The following PZP variants were observed in gnomAD, a reference collection of about 807,000 sequenced individuals.
The protein encoded by PZP is PZP alpha-2-macroglobulin like.
Under a neutral mutation model 179.8 loss-of-function variants are expected in PZP, and 150 were observed. That is an observed-to-expected ratio of 0.83 (90% CI 0.73 to 0.96). The LOEUF is 0.96. Among genes scored for constraint, PZP ranks in the 40% least tolerant of loss-of-function variants. The probability of loss-of-function intolerance (pLI) is 0.00; values close to 1 mark genes in which losing one functional copy is unlikely to be tolerated. For synonymous variants in PZP, 624 were observed against 652.3 expected, an observed-to-expected ratio of 0.96 and a Z score of 0.66; for missense variants, 1,689 against 1,764.0, an observed-to-expected ratio of 0.96 and a Z score of 0.76.
At chr12:9,160,992 A>T (rs1941163339) in intron 23 of PZP, 41 bp downstream of exon 23, 1 of 1,435,194 alleles carries the variant, frequency 7.0e-7, no homozygotes, top group African/African-American at 1.4e-5. Context: ...GTACAGTGGC[A>T]ACTCTTTTGG....
intron 35 of PZP, 58 bp downstream of exon 35, chr12:9,149,503 G>C (rs150636378): frequency 6.8e-7 from 1 of 1,477,456 alleles, no homozygotes; most frequent in African/African-American, 1.4e-5. Context: ...AAATTGCAGG[G>C]GCCCTTGGAG....
At chr12:9,165,084 A>C (rs767217415) in intron 19 of PZP, 55 bp downstream of exon 19, 1 of 1,562,792 alleles carries the variant, frequency 6.4e-7, no homozygotes, top group Non-Finnish European at 8.8e-7. Flanking sequence ...TAGCTGACTG[A>C]TCAAAGGAAT....
chr12:9,192,035 AT>A (rs1189780776), intron 13 of PZP, among the ~76,000 whole-genome samples, 157 bp downstream of exon 13: 4 of 152,208 alleles, frequency 2.6e-5, no homozygotes, highest in Non-Finnish European at 5.9e-5. Flanking sequence ...TGACTGTTGA[AT>A]TTTAAAATGC....
chr12:9,195,634 T>G (rs1040150899), intron 10 of PZP, among the ~76,000 whole-genome samples: 4 of 146,066 alleles, frequency 2.7e-5, no homozygotes, highest in Non-Finnish European at 6.0e-5. Flanking sequence ...TTTTTTTTTT[T>G]GCAGAGGTAG....
intron 13 of PZP, among the ~76,000 whole-genome samples, chr12:9,185,512 T>C (rs1943043123): frequency 6.6e-6 from 1 of 152,172 alleles, no homozygotes; most frequent in Non-Finnish European, 1.5e-5. Context: ...GAAAACATAT[T>C]TTAGGATATC....
At chr12:9,147,977 T>C (rs1002850730), downstream of PZP, among the ~76,000 whole-genome samples, 1 of 152,156 alleles carries the variant, frequency 6.6e-6, no homozygotes, top group Non-Finnish European at 1.5e-5. Context: ...GATAATGTCA[T>C]TCTTGCCTCT....
At chr12:9,151,392 A>G (rs947029467) in intron 33 of PZP, among the ~76,000 whole-genome samples, 2 of 152,244 alleles carry the variant, frequency 1.3e-5, no homozygotes, top group East Asian at 1.9e-4. Context: ...TCATAGAAAT[A>G]TTCATATTCC....
chr12:9,192,489 G>T (rs1403036062), intron 12 of PZP, 23 bp downstream of exon 12: 5 of 1,591,682 alleles, frequency 3.1e-6, no homozygotes, highest in Non-Finnish European at 4.3e-6. Flanking sequence ...AGCTGCAATT[G>T]TATTCCATGG....
At position 9,154,735 on chromosome 12, in the gene PZP, G is replaced by A; in HGVS notation, c.3655C>T (p.Leu1219Phe). 1.9e-6 allele frequency: 3 copies of A among 1,614,148 alleles called. No individual in the cohort carries two copies. The highest frequency in any genetic ancestry group is 1.3e-5 in the African/African-American group (1 of 75,020). ...SAEVEMTSYV[L>F]LAYLTAQPAP... is the part of the protein sequence containing the mutation. ...GGCTGGGCCGTGAGATAAGCGAGGA[G>A]CACATAGGATGTCATCTCCACCTCA... The change falls in exon 29 of 36, where the codon CTC becomes TTC. Residue 1219 changes from leucine (L) to phenylalanine (F), a missense_variant. Coordinates refer to ENST00000261336, the MANE Select transcript of PZP (RefSeq NM_002864.3).
intron 15 of PZP, among the ~76,000 whole-genome samples, chr12:9,180,097 CT>C (rs1180738097): frequency 1.3e-5 from 2 of 152,096 alleles, no homozygotes; most frequent in Non-Finnish European, 2.9e-5. Flanking sequence ...CGTATTTTTA[CT>C]GTTATATTTT....
chr12:9,203,636 T>C (rs780580620), intron 2 of PZP, 132 bp downstream of exon 2: 1 of 1,074,446 alleles, frequency 9.3e-7, no homozygotes, highest in Non-Finnish European at 1.3e-6. Flanking sequence ...CCACCGCACC[T>C]GGCCCCTGAA....
intron 27 of PZP, 143 bp downstream of exon 27, chr12:9,157,624 C>T (rs1940857620): frequency 2.6e-6 from 2 of 769,016 alleles, no homozygotes; most frequent in South Asian, 1.8e-5. Context: ...TCTCTTAATG[C>T]ATCAACCAAA....
Position 9,169,517 on chromosome 12 carries a change from T to C in PZP, c.1914A>G (p.Gly638=). The change falls in exon 16 of 36, where the codon GGA becomes GGG. Residue 638 remains glycine (G), a synonymous_variant. Transcript: ENST00000261336. ...DNVDQQEEEQ[G]HCPRPFFIHN... is the part of the protein sequence containing the mutation. ...GAATGAAGAAAGGACGGGGACAGTG[T>C]CCTTGTTCTTCCTCCTGCTGGTCCA... 2 of 1,613,130 alleles carry C rather than the reference T, an allele frequency of 1.2e-6. No individual in the cohort carries two copies. Among genetic ancestry groups the C allele is most frequent in the South Asian group, 2.2e-5 (2 of 90,964 alleles).
intron 8 of PZP, 55 bp from the exon 9 acceptor site, chr12:9,196,740 T>C: frequency 2.1e-6 from 3 of 1,412,564 alleles, no homozygotes; most frequent in Non-Finnish European, 3.0e-6. Context: ...CAATAGTCAC[T>C]GAATCTACTA....
Position 9,201,353 on chromosome 12 carries a change from T to C in PZP, c.481-6A>G, listed in dbSNP as rs749356294. ...TCAAGGTATATCAGTGGAATCTATA[T>C]GATAAAAGGAAAGAAGAGATGTGAT... On this transcript the variant is annotated splice_polypyrimidine_tract_variant and splice_region_variant and intron_variant, in intron 4 of 35. Coordinates refer to ENST00000261336, the MANE Select transcript of PZP (RefSeq NM_002864.3). The C allele has an allele frequency of 2.6e-6, 4 of 1,557,908 alleles. No homozygotes were observed. The highest frequency in any genetic ancestry group is 3.5e-5 in the Admixed American group (2 of 56,696).
chr12:9,165,103 C>T, intron 19 of PZP, 36 bp downstream of exon 19: 1 of 1,594,160 alleles, frequency 6.3e-7, no homozygotes, highest in Non-Finnish European at 8.6e-7. Context: ...ATCTTTTGTT[C>T]TACCCACCTT....
At position 9,169,543 on chromosome 12, in the gene PZP, C is replaced by T; in HGVS notation, c.1888G>A (p.Val630Met). The T allele has an allele frequency of 6.2e-7, 1 of 1,613,006 alleles. No individual in the cohort carries two copies. The highest frequency in any genetic ancestry group is 8.5e-7 in the Non-Finnish European group (1 of 1,179,556). The change falls in exon 16 of 36, where the codon GTG (valine) becomes ATG (methionine). Residue 630 changes from valine (V) to methionine (M), a missense_variant. Transcript: ENST00000261336. ...VKDLTNFPDN[V>M]DQQEEEQGHC... ...CCTTGTTCTTCCTCCTGCTGGTCCA[C>T]ATTGTCAGGAAAATTGGTGAGATCC...
At chr12:9,177,240 T>A (rs1170169099) in intron 15 of PZP, among the ~76,000 whole-genome samples, 1 of 152,218 alleles carries the variant, frequency 6.6e-6, no homozygotes, top group Non-Finnish European at 1.5e-5. Flanking sequence ...GCATTAGCTC[T>A]CTTGGATCAC....
intron 28 of PZP, 48 bp downstream of exon 28, chr12:9,157,127 G>T: frequency 6.4e-7 from 1 of 1,557,792 alleles, no homozygotes; most frequent in Non-Finnish European, 8.8e-7. Context: ...TCCCCTCCCT[G>T]TGTCTATGTG....
Sources: allele counts gnomAD v4.1 joint callset (sites outside exome capture counted in the v4.1 genomes callset), GRCh38; gene constraint gnomAD v4.1.1; transcripts MANE v1.5; gene names NCBI Gene and HGNC (gene_info 2026-07-23, HGNC 2026-07-21).